The following GBE1 variants were observed in gnomAD, a reference collection of about 807,000 sequenced individuals.
The protein encoded by GBE1 is 1,4-alpha-glucan-branching enzyme.
GBE1 carries 70 observed loss-of-function variants against 88.8 expected under a neutral mutation model. The observed-to-expected ratio is 0.79, with a 90% CI of 0.65 to 0.96. The LOEUF is 0.96. Ranked by LOEUF, GBE1 falls within the 40% of genes least tolerant of loss-of-function variation. The probability of loss-of-function intolerance (pLI) is 0.00; values close to 1 mark genes in which losing one functional copy is unlikely to be tolerated. For synonymous variants in GBE1, 284 were observed against 300.1 expected (o/e 0.95, Z 0.56); for missense variants, 872 against 871.0 (o/e 1.00, Z -0.01).
intron 7 of GBE1, among the ~76,000 whole-genome samples, chr3:81,628,375 G>T (rs1704449016): frequency 6.6e-6 from 1 of 152,044 alleles, no homozygotes; most frequent in African/African-American, 2.4e-5. Flanking sequence ...ATACAGATAA[G>T]AACATGAAGA....
intron 7 of GBE1, among the ~76,000 whole-genome samples, chr3:81,610,393 T>A (rs1704162595): frequency 2.6e-5 from 4 of 152,244 alleles, no homozygotes; most frequent in Admixed American, 2.6e-4. Context: ...AAGATAAATA[T>A]GTTCTTGTGA....
At chr3:81,642,504 T>C in intron 7 of GBE1, 1 of 269,370 alleles carries the variant, frequency 3.7e-6, no homozygotes, top group Non-Finnish European at 6.8e-6. Flanking sequence ...GCCTTTTAGA[T>C]ATTAAAAAAA....
chr3:81,676,685 G>A (rs1281017197), intron 2 of GBE1, among the ~76,000 whole-genome samples: 1 of 151,928 alleles, frequency 6.6e-6, no homozygotes, highest in African/African-American at 2.4e-5. Context: ...TACATGTGCA[G>A]AACGTGCAGG....
At chr3:81,736,683 C>A (rs190464266) in intron 1 of GBE1, among the ~76,000 whole-genome samples, 1 of 152,150 alleles carries the variant, frequency 6.6e-6, no homozygotes, top group African/African-American at 2.4e-5. Context: ...TACAGGGCTT[C>A]CTAAATATCT....
At chr3:81,535,366 A>G in intron 13 of GBE1, 41 bp from the exon 14 acceptor site, 2 of 1,553,340 alleles carry the variant, frequency 1.3e-6, no homozygotes, top group Non-Finnish European at 8.7e-7. Flanking sequence ...AATAATACCT[A>G]GATGCTGCTA....
intron 2 of GBE1, among the ~76,000 whole-genome samples, chr3:81,677,179 GTA>G (rs1328685828): frequency 1.3e-5 from 2 of 152,112 alleles, no homozygotes; most frequent in Non-Finnish European, 2.9e-5. Flanking sequence ...TTCCAATTTA[GTA>G]TGTAGGGCCT....
At chr3:81,689,991 T>A (rs1414075973) in intron 2 of GBE1, among the ~76,000 whole-genome samples, 3 of 152,150 alleles carry the variant, frequency 2.0e-5, no homozygotes, top group Non-Finnish European at 4.4e-5. Context: ...TCTGTGAGCC[T>A]AATCTTCCGT....
At chr3:81,501,252 T>C (rs1336362530) in intron 14 of GBE1, among the ~76,000 whole-genome samples, 3 of 152,162 alleles carry the variant, frequency 2.0e-5, no homozygotes, top group Non-Finnish European at 2.9e-5. Context: ...AGGAAATATA[T>C]GGGGGAAACT....
chr3:81,604,995 T>C (rs1208313371), intron 7 of GBE1, among the ~76,000 whole-genome samples: 1 of 152,140 alleles, frequency 6.6e-6, no homozygotes, highest in Non-Finnish European at 1.5e-5. Flanking sequence ...TGCCTCAATT[T>C]TTTTTAAATC....
intron 1 of GBE1, among the ~76,000 whole-genome samples, chr3:81,737,149 T>C (rs901566093): frequency 6.6e-6 from 1 of 150,696 alleles, no homozygotes; most frequent in Non-Finnish European, 1.5e-5. Context: ...AATAATGCCA[T>C]TAACTAAGAG....
intron 1 of GBE1, among the ~76,000 whole-genome samples, chr3:81,726,851 A>T (rs913889908): frequency 3.9e-5 from 6 of 152,142 alleles, no homozygotes; most frequent in Non-Finnish European, 8.8e-5. Context: ...AAATGCTAGG[A>T]TTATAGGCGT....
rs144617086 is a variant in GBE1 at position 81,574,903 on chromosome 3, G to C, written c.1618+3022C>G. On this transcript the variant is annotated intron_variant, in intron 12 of 15. Transcript: ENST00000429644. Reference sequence around the variant, plus strand: ...AATGAGGCCGGGGGCAGTGGCTCACGCCTGTAATCCCAGCACTTTGGGAGG... The same window carrying C: ...AATGAGGCCGGGGGCAGTGGCTCACCCCTGTAATCCCAGCACTTTGGGAGG... 7.0e-3 allele frequency among the ~76,000 whole-genome samples: 1,070 copies of C among 152,204 alleles called. 22 individuals are homozygous for C. Among genetic ancestry groups the C allele is most frequent in the African/African-American group, 0.025 (1,023 of 41,522 alleles).
intron 3 of GBE1, among the ~76,000 whole-genome samples, chr3:81,657,837 A>G (rs1164263961): frequency 6.6e-6 from 1 of 152,144 alleles, no homozygotes; most frequent in Non-Finnish European, 1.5e-5. Flanking sequence ...AGACATATGC[A>G]TATAAAATCA....
rs756747975 is a variant in GBE1 at position 81,670,891 on chromosome 3, T to C, written c.376A>G (p.Ile126Val). Residue 126 changes from isoleucine to valine, a missense_variant, in exon 3 of 16, where the codon ATC becomes GTC. Coordinates refer to ENST00000429644, the MANE Select transcript of GBE1 (RefSeq NM_000158.4). ...KLDYGKWELYIPPKQNKSVLV... is the reference protein window; with the variant it reads ...KLDYGKWELYVPPKQNKSVLV... ...ACAGATTTATTCTGCTTTGGTGGGA[T>C]ATACAGCTCCCATTTTCCATAATCC... 1.3e-6 allele frequency: 2 copies of C among 1,583,138 alleles called. No homozygotes were observed. The highest frequency in any genetic ancestry group is 1.7e-6 in the Non-Finnish European group (2 of 1,168,240).
At chr3:81,554,791 G>C (rs534271191) in intron 12 of GBE1, among the ~76,000 whole-genome samples, 1 of 152,124 alleles carries the variant, frequency 6.6e-6, no homozygotes, top group Admixed American at 6.6e-5. Context: ...CTTGTTCAAG[G>C]CACAGCCGGC....
At chr3:81,498,812 A>G (rs934135796) in intron 15 of GBE1, among the ~76,000 whole-genome samples, 2 of 152,210 alleles carry the variant, frequency 1.3e-5, no homozygotes, top group Non-Finnish European at 2.9e-5. Flanking sequence ...AGAAATGTTC[A>G]TAATTGAAAG....
intron 1 of GBE1, among the ~76,000 whole-genome samples, chr3:81,728,565 A>C (rs3849571): frequency 0.39 from 58,673 of 151,950 alleles, 11,703 homozygotes; most frequent in East Asian, 0.51. Context: ...TCTAGAGCTG[A>C]GACCTTTAGT....
chr3:81,618,361 G>T (rs1218446789), intron 7 of GBE1, among the ~76,000 whole-genome samples: 1 of 151,978 alleles, frequency 6.6e-6, no homozygotes, highest in Non-Finnish European at 1.5e-5. Context: ...TCATTCTCTA[G>T]GACTTATTAA....
intron 1 of GBE1, among the ~76,000 whole-genome samples, chr3:81,750,066 A>G (rs1332112442): frequency 6.6e-6 from 1 of 152,174 alleles, no homozygotes; most frequent in East Asian, 1.9e-4. Context: ...CACTCCTATT[A>G]CTAGTAAGCA....
Sources: gnomAD v4.1 joint callset for allele counts (sites outside exome capture counted in the v4.1 genomes callset) on GRCh38, gnomAD v4.1.1 for gene constraint, MANE v1.5 for transcripts, NCBI Gene and HGNC (gene_info 2026-07-23, HGNC 2026-07-21) for gene names.